Variants in AGBL1 observed in about 807,000 individuals in gnomAD.
AGBL1 encodes the protein AGBL carboxypeptidase 1, also known as cytosolic carboxypeptidase 4.
Under a neutral mutation model 118.9 loss-of-function variants are expected in AGBL1, and 130 were observed. The observed-to-expected ratio is 1.09, with a 90% confidence interval of 0.95 to 1.26. AGBL1 has a LOEUF of 1.26. AGBL1 is among the 50% of genes most tolerant of loss of function. The pLI is 0.00. For synonymous variants in AGBL1, 555 were observed against 478.9 expected (o/e 1.16, Z -2.08); for missense variants, 1,584 against 1,298.1 (o/e 1.22, Z -3.38).
chr15:86,456,879 T>C (rs2082266448), intron 18 of AGBL1, among the ~76,000 whole-genome samples: 1 of 152,220 alleles, frequency 6.6e-6, no homozygotes, highest in South Asian at 2.1e-4. Flanking sequence ...GCTATTGTAT[T>C]AACTAGGTTG....
At chr15:86,963,020 C>A (rs375392958) in intron 23 of AGBL1, among the ~76,000 whole-genome samples, 9 of 152,182 alleles carry the variant, frequency 5.9e-5, no homozygotes, top group African/African-American at 2.2e-4. Context: ...AAAACGTGAG[C>A]ATTAACCAAT....
intron 22 of AGBL1, among the ~76,000 whole-genome samples, chr15:86,843,284 G>A (rs950237137): frequency 6.6e-6 from 1 of 152,056 alleles, no homozygotes; most frequent in Non-Finnish European, 1.5e-5. Context: ...AGTCATGGAT[G>A]TTCCAGCAGC....
At chr15:86,874,682 C>A (rs2079780897) in intron 22 of AGBL1, among the ~76,000 whole-genome samples, 1 of 152,056 alleles carries the variant, frequency 6.6e-6, no homozygotes, top group African/African-American at 2.4e-5. Context: ...TTCTTTGTTC[C>A]CCTCACTGAC....
At chr15:86,636,032 C>T (rs1172290756) in intron 21 of AGBL1, among the ~76,000 whole-genome samples, 2 of 152,096 alleles carry the variant, frequency 1.3e-5, no homozygotes, top group Non-Finnish European at 2.9e-5. Context: ...GTACCACTCA[C>T]CATGAACTAA....
intron 5 of AGBL1, among the ~76,000 whole-genome samples, chr15:86,174,043 T>C (rs572858618): frequency 1.3e-5 from 2 of 152,040 alleles, no homozygotes; most frequent in South Asian, 2.1e-4. Context: ...TAGTATAGTC[T>C]CAAGATTAAT....
intron 17 of AGBL1, among the ~76,000 whole-genome samples, chr15:86,380,273 CTTCCTT>C (rs1455477599): frequency 7.3e-6 from 1 of 137,708 alleles, no homozygotes; most frequent in East Asian, 2.2e-4. Context: ...TCCTTCCTTC[CTTCCTT>C]TTTTTTTTTT....
In AGBL1 at chr15:86,309,414, T is replaced by C. The variant is rs117317948; in HGVS notation, c.2374+14006T>C. Among the ~76,000 whole-genome samples the C allele has an allele frequency of 2.6e-5, 4 of 152,342 alleles. No individual in the cohort carries two copies. In the East Asian group the frequency reaches 5.8e-4, roughly 22 times the overall value. ...CCTTTTATTTCTTTTTCTTGCCTAA[T>C]TGGTCTGGCTAGGACCACTAGTACT... On this transcript the variant is annotated intron_variant, in intron 17 of 22. Coordinates refer to ENST00000614907, the MANE Select transcript of AGBL1 (RefSeq NM_001386094.1).
At chr15:86,704,967 T>C (rs1367019203) in intron 22 of AGBL1, among the ~76,000 whole-genome samples, 1 of 151,618 alleles carries the variant, frequency 6.6e-6, no homozygotes, top group African/African-American at 2.4e-5. Flanking sequence ...AAGGAATGAG[T>C]TCATGTCCTT....
chr15:86,499,018 C>T (rs183375067), intron 18 of AGBL1, among the ~76,000 whole-genome samples: 11 of 151,966 alleles, frequency 7.2e-5, no homozygotes, highest in Admixed American at 3.3e-4. Context: ...TGCTAGACCA[C>T]CTGCCCATGA....
In AGBL1 at chr15:86,986,984, C is replaced by T. The variant is rs71401920; in HGVS notation, c.3222-1003C>T. 8.2e-3 allele frequency among the ~76,000 whole-genome samples: 1,239 copies of T among 151,894 alleles called. 6 individuals carry two copies. The highest frequency in any genetic ancestry group is 0.032 in the South Asian group (153 of 4,810). On this transcript the variant is annotated intron_variant, in intron 23 of 24. Transcript: ENST00000441037. ...TACAGTCAAAGGGGGGAGTTGTTCT[C>T]AGGCGGGCAGGAGTGGGGGTCACAA... is the stretch of plus-strand genomic sequence containing the variant.
intron 22 of AGBL1, among the ~76,000 whole-genome samples, chr15:86,686,132 T>C (rs564617816): frequency 1.1e-4 from 16 of 152,332 alleles, no homozygotes; most frequent in South Asian, 4.1e-4. Context: ...CTCCCCACTC[T>C]CAGCAAAGGA....
chr15:86,742,244 T>C (rs2077691401), intron 22 of AGBL1, among the ~76,000 whole-genome samples: 1 of 152,166 alleles, frequency 6.6e-6, no homozygotes, highest in African/African-American at 2.4e-5. Flanking sequence ...GTACTTTTTA[T>C]GAGCCCCTAC....
chr15:86,184,677 C>A (rs918499621), intron 5 of AGBL1, among the ~76,000 whole-genome samples: 1 of 152,070 alleles, frequency 6.6e-6, no homozygotes, highest in Non-Finnish European at 1.5e-5. Context: ...TCTTTTACTC[C>A]TTTTTCTCTA....
At chr15:86,816,464 A>C (rs1215746506) in intron 22 of AGBL1, among the ~76,000 whole-genome samples, 1 of 152,244 alleles carries the variant, frequency 6.6e-6, no homozygotes, top group Non-Finnish European at 1.5e-5. Flanking sequence ...TCGACACCAA[A>C]GAAATATCAG....
chr15:86,415,364 C>A (rs1012491682), intron 18 of AGBL1, among the ~76,000 whole-genome samples: 3 of 152,074 alleles, frequency 2.0e-5, no homozygotes, highest in Non-Finnish European at 2.9e-5. Flanking sequence ...AGGGATACAC[C>A]ACAGTATCTG....
intron 3 of AGBL1, among the ~76,000 whole-genome samples, chr15:86,152,127 C>A (rs571753145): frequency 2.9e-4 from 44 of 151,972 alleles, no homozygotes; most frequent in African/African-American, 1.1e-3. Flanking sequence ...CCATCCCCAT[C>A]AAGCTACCAA....
chr15:86,919,489 GAGCCCAGCAA>G (rs1447668634), downstream of AGBL1, among the ~76,000 whole-genome samples: 9 of 151,946 alleles, frequency 5.9e-5, no homozygotes, highest in Non-Finnish European at 1.5e-5. Flanking sequence ...AGGAAAAACA[GAGCCCAGCAA>G]GGGAGAATGA....
chr15:86,196,544 C>T (rs927757446), intron 5 of AGBL1, among the ~76,000 whole-genome samples: 1 of 152,084 alleles, frequency 6.6e-6, no homozygotes, highest in African/African-American at 2.4e-5. Flanking sequence ...GTGAGCTCTC[C>T]TTTAAGCACC....
intron 22 of AGBL1, among the ~76,000 whole-genome samples, chr15:86,790,868 A>G (rs2078483968): frequency 6.6e-6 from 1 of 152,186 alleles, no homozygotes; most frequent in Non-Finnish European, 1.5e-5. Flanking sequence ...ACCAAGAAGC[A>G]GTTGCATGAA....
Sources: gnomAD v4.1 joint callset for allele counts (sites outside exome capture counted in the v4.1 genomes callset) on GRCh38, gnomAD v4.1.1 for gene constraint, MANE v1.5 for transcripts, NCBI Gene and HGNC (gene_info 2026-07-23, HGNC 2026-07-21) for gene names.